Variants in TSC1 observed in about 807,000 individuals in gnomAD.
TSC1 encodes hamartin.
A neutral mutation model predicts 124.3 loss-of-function variants in TSC1; 20 were observed. The observed-to-expected ratio is 0.16, with a 90% CI of 0.11 to 0.23. TSC1 has a LOEUF of 0.23. Among genes scored for constraint, TSC1 ranks in the 10% least tolerant of loss-of-function variants. The pLI is 1.00. For synonymous variants in TSC1, 493 were observed against 539.1 expected, an observed-to-expected ratio of 0.91 and a Z score of 1.19; for missense variants, 1,124 against 1,448.5, an observed-to-expected ratio of 0.78 and a Z score of 3.64.
Position 132,925,738 on chromosome 9 carries a change from T to G in TSC1, c.212A>C (p.His71Pro), listed in dbSNP as rs1588355896. ...ATATTCGTTAATCCTGTCCAAGAGG[T>G]GCTGAAAATGTAAAAGAACAAGGGC... Reference protein sequence around the residue: ...LTTLQEPHDKHLLDRINEYVG... With the variant: ...LTTLQEPHDKPLLDRINEYVG... Residue 71 changes from histidine (H) to proline (P), a missense_variant and splice_region_variant, in exon 5 of 23, where the codon CAC (histidine) becomes CCC (proline). By Grantham distance (77) the His-to-Pro change is moderately conservative. Coordinates refer to ENST00000298552, the MANE Select transcript of TSC1 (RefSeq NM_000368.5). 6.2e-7 allele frequency: 1 copy of G among 1,614,044 alleles called. No individual in the cohort carries two copies.
intron 2 of TSC1, among the ~76,000 whole-genome samples, chr9:132,929,693 ATTTGTTAAAACAAGT>A (rs1444162337): frequency 5.3e-5 from 8 of 152,224 alleles, no homozygotes; most frequent in South Asian, 2.1e-4. Flanking sequence ...CTGAGGCTAT[ATTTGTTAAAACAAGT>A]AACAACAGTT....
In TSC1 at chr9:132,924,142, A is replaced by G. The variant is rs562050642; in HGVS notation, c.364-650T>C. ...AAATAACTTCAGGCTAACTGAAGAC[A>G]CTTAACACCCAATGGATACTCAATC... On this transcript the variant is annotated intron_variant, in intron 5 of 22. Coordinates refer to ENST00000298552, the MANE Select transcript of TSC1 (RefSeq NM_000368.5). Among the ~76,000 whole-genome samples, 6 of 152,276 alleles carry G rather than the reference A, an allele frequency of 3.9e-5. No individual in the cohort carries two copies. The South Asian group carries it at 1.2e-3, about 32-fold the overall frequency.
chr9:132,925,060 A>G (rs1017760516), intron 5 of TSC1: 1 of 162,480 alleles, frequency 6.2e-6, no homozygotes. Flanking sequence ...CACTGTTAAA[A>G]CTAAAACCAT....
At chr9:132,910,366 C>A in intron 12 of TSC1, 6 of 815,278 alleles carry the variant, frequency 7.4e-6, no homozygotes, top group Non-Finnish European at 9.7e-6. Flanking sequence ...CACAAGAGTT[C>A]TGCCAAAGCA....
In TSC1 at chr9:132,896,303, G is replaced by C. The variant is rs574823234; in HGVS notation, c.3427C>G (p.Pro1143Ala). ...LNLDGPHPSPPTPDSVGQLHI... is the reference protein window; with the variant it reads ...LNLDGPHPSPATPDSVGQLHI... ...AGCTGTCCAACACTGTCCGGGGTCGGGGGAGACGGGTGAGGGCCATCTAGG... is the reference window on the plus strand; with the variant it reads ...AGCTGTCCAACACTGTCCGGGGTCGCGGGAGACGGGTGAGGGCCATCTAGG... Residue 1143 changes from proline to alanine, a missense_variant, in exon 23 of 23, where the codon CCG becomes GCG. Physicochemically the swap from Pro to Ala is conservative, Grantham distance 27 (BLOSUM62 -1). Transcript: ENST00000298552. The surrounding 1 kb of genome is among the most constrained non-coding windows in gnomAD (Gnocchi z 4.5). The C allele has an allele frequency of 6.2e-7, 1 of 1,614,206 alleles. No homozygotes were observed. Among genetic ancestry groups the C allele is most frequent in the South Asian group, 1.1e-5 (1 of 91,086 alleles).
Position 132,906,421 on chromosome 9 carries a change from T to C in TSC1, c.1439-282A>G. 1 of 537,558 alleles carries C rather than the reference T, an allele frequency of 1.9e-6. No homozygotes were observed. The highest frequency in any genetic ancestry group is 2.0e-5 in the South Asian group (1 of 49,604). The allele number at this position is 537,558 out of a possible 1,614,324, so 33.3% of individuals were successfully genotyped here. ...AAAATCAGCTGAGCATCGTGGTGTATGCCTGTGGTCCCAGCTACTCAGGAG... is the reference window on the plus strand; with the variant it reads ...AAAATCAGCTGAGCATCGTGGTGTACGCCTGTGGTCCCAGCTACTCAGGAG... On this transcript the variant is annotated intron_variant, in intron 14 of 22. Transcript: ENST00000298552. This position sits in a 1 kb window ranked among gnomAD's most constrained non-coding sequence, Gnocchi z 4.1.
intron 1 of TSC1, among the ~76,000 whole-genome samples, chr9:132,936,183 T>C (rs989161766): frequency 2.6e-5 from 4 of 152,184 alleles, no homozygotes; most frequent in Non-Finnish European, 4.4e-5. Flanking sequence ...GGAGCCATCA[T>C]AGCTCACTGC....
chr9:132,918,102 G>A (rs1846358288), intron 8 of TSC1, among the ~76,000 whole-genome samples: 2 of 152,138 alleles, frequency 1.3e-5, no homozygotes, highest in African/African-American at 2.4e-5. Context: ...GCACTCAACT[G>A]TACAACCTCC....
intron 2 of TSC1, among the ~76,000 whole-genome samples, chr9:132,933,526 T>C (rs190672779): frequency 1.3e-5 from 2 of 152,348 alleles, no homozygotes; most frequent in Admixed American, 6.5e-5. Flanking sequence ...CTTTGAGGCT[T>C]GCCAAGCTAT....
At chr9:132,944,996 C>T (rs371305657), upstream of TSC1, among the ~76,000 whole-genome samples, 701 of 152,212 alleles carry the variant, frequency 4.6e-3, 6 homozygotes, top group African/African-American at 0.016. Flanking sequence ...CGTAAACAAG[C>T]TGGCGGCGCC....
rs118203335 is a variant in TSC1, at chr9:132,927,285, T to G, written c.126A>C (p.Val42=). 31 of 1,613,930 alleles carry G rather than the reference T, an allele frequency of 1.9e-5. No individual in the cohort carries two copies. In the East Asian group the frequency reaches 3.8e-4, roughly 20 times the overall value. ...NLNSDRGPML[V]NTLVDYYLET... ...CCAGGTAATAATCCACCAAGGTGTT[T>G]ACAAGCATAGGGCCACGGTCTAAAT... The change falls in exon 4 of 23, where the codon GTA becomes GTC. Residue 42 remains valine (V), a synonymous_variant. Coordinates refer to ENST00000298552, the MANE Select transcript of TSC1 (RefSeq NM_000368.5).
chr9:132,927,736 A>G lies in TSC1; in HGVS notation c.107-432T>C, dbSNP rs532604857. Among the ~76,000 whole-genome samples, 50 of 152,166 alleles carry G rather than the reference A, an allele frequency of 3.3e-4. No individual in the cohort carries two copies. In the Middle Eastern group the frequency reaches 0.01, roughly 31 times the overall value. On this transcript the variant is annotated intron_variant, in intron 3 of 22. Coordinates refer to ENST00000298552, the MANE Select transcript of TSC1 (RefSeq NM_000368.5). ...GAGATGGGGTTTCACCACATTGGCC[A>G]ACATGGTCTCAATCTCCTGACCTTG...
chr9:132,937,561 G>T (rs1588379666), intron 1 of TSC1, among the ~76,000 whole-genome samples: 1 of 152,174 alleles, frequency 6.6e-6, no homozygotes, highest in East Asian at 1.9e-4. Context: ...ATCCCGGTTG[G>T]ACATTTTACC....
rs1847458609 is a variant in TSC1, at chr9:132,936,359, C to A, written c.-143-1264G>T. Among the ~76,000 whole-genome samples the A allele has an allele frequency of 2.6e-5, 4 of 152,196 alleles. No homozygotes were observed. In the South Asian group the frequency reaches 8.3e-4, roughly 31 times the overall value. On this transcript the variant is annotated intron_variant, in intron 1 of 22. Transcript: ENST00000298552. ...CCCAAACTCCTAGCCTCACGCAATC[C>A]TCCCACCAAGGCCTCCCAAGGTGCT...
chr9:132,918,833 G>A (rs1185448289), intron 8 of TSC1, among the ~76,000 whole-genome samples: 1 of 152,160 alleles, frequency 6.6e-6, no homozygotes, highest in Non-Finnish European at 1.5e-5. Context: ...AAGCTGTTTT[G>A]TCTCCCCATA....
At chr9:132,945,051 T>TGCCCTTCGCTTGCGTGGC (rs1392829170), upstream of TSC1, 2 of 153,742 alleles carry the variant, frequency 1.3e-5, no homozygotes, top group East Asian at 3.8e-4. Flanking sequence ...GAGTCGTTTC[T>TGCCCTTCGCTTGCGTGGC]GCCCTTCGCT....
intron 22 of TSC1, 94 bp downstream of exon 22, chr9:132,897,090 T>A (rs527251940): frequency 1.5e-5 from 24 of 1,585,942 alleles, no homozygotes; most frequent in Admixed American, 6.7e-5. Context: ...GCCTGTCTAG[T>A]CAGCAGTAAC....
At chr9:132,933,814 A>G (rs529386831) in intron 2 of TSC1, among the ~76,000 whole-genome samples, 6 of 152,374 alleles carry the variant, frequency 3.9e-5, no homozygotes, top group African/African-American at 1.4e-4. Context: ...TTTGTATCCC[A>G]GAATTTACAT....
rs1464794851 is a variant in TSC1 at position 132,895,234 on chromosome 9, T to C, written c.*1001A>G. 1 of 233,246 alleles carries C rather than the reference T, an allele frequency of 4.3e-6. No individual in the cohort carries two copies. Among genetic ancestry groups the C allele is most frequent in the African/African-American group, 2.2e-5 (1 of 45,338 alleles). The allele number at this position is 233,246 out of a possible 1,614,324, so 14.4% of individuals were successfully genotyped here. ...GTCACATACACTTTGCAGAAACTCT[T>C]TGGACCTTCAGAGCCTTTCTGCTGC... On this transcript the variant is annotated 3_prime_UTR_variant, in exon 23 of 23. Coordinates refer to ENST00000298552, the MANE Select transcript of TSC1 (RefSeq NM_000368.5).
Sources: allele counts gnomAD v4.1 joint callset (sites outside exome capture counted in the v4.1 genomes callset), GRCh38; gene constraint gnomAD v4.1.1; non-coding constraint Gnocchi (gnomAD v3.1); transcripts MANE v1.5; gene names NCBI Gene and HGNC (gene_info 2026-07-23, HGNC 2026-07-21).